The following ZNF138 variants were observed in gnomAD, a reference collection of about 807,000 sequenced individuals.
The protein encoded by ZNF138 is zinc finger protein 138 (clone pHZ-32).
A neutral mutation model predicts 33.0 loss-of-function variants in ZNF138; 33 were observed. The observed-to-expected ratio is 1.00, with a 90% CI of 0.76 to 1.34. The LOEUF is 1.34. ZNF138 is among the 40% of genes most tolerant of loss of function. ZNF138 has a pLI of 0.00. For synonymous variants in ZNF138, 139 were observed against 120.4 expected, an observed-to-expected ratio of 1.15 and a Z score of -1.01; for missense variants, 360 against 370.8, an observed-to-expected ratio of 0.97 and a Z score of 0.24.
chr7:64,812,726 A>G (rs1788276691), intron 1 of ZNF138, among the ~76,000 whole-genome samples: 1 of 152,116 alleles, frequency 6.6e-6, no homozygotes, highest in Non-Finnish European at 1.5e-5. Flanking sequence ...CTGTGGTGGT[A>G]GCAGGTAAAC....
At chr7:64,818,835 G>T (rs1583853703) in intron 3 of ZNF138, among the ~76,000 whole-genome samples, 1 of 151,698 alleles carries the variant, frequency 6.6e-6, no homozygotes, top group Non-Finnish European at 1.5e-5. Flanking sequence ...AAATTTTACT[G>T]CCATACAGTG....
chr7:64,805,446 T>C (rs1787518376), intron 1 of ZNF138, among the ~76,000 whole-genome samples: 2 of 151,396 alleles, frequency 1.3e-5, no homozygotes, highest in African/African-American at 4.9e-5. Context: ...AGTGCTCCTA[T>C]TTCCATTACT....
At chr7:64,810,476 C>T (rs1167196884) in intron 1 of ZNF138, among the ~76,000 whole-genome samples, 21 of 123,614 alleles carry the variant, frequency 1.7e-4, no homozygotes, top group Middle Eastern at 4.4e-3. Flanking sequence ...AGAGGGAGAG[C>T]GTATTTCTGT....
At chr7:64,811,552 G>C (rs913476663) in intron 1 of ZNF138, among the ~76,000 whole-genome samples, 3 of 152,130 alleles carry the variant, frequency 2.0e-5, no homozygotes, top group Non-Finnish European at 2.9e-5. Context: ...CACCATGTTG[G>C]CCAGGTTGGT....
chr7:64,837,600 C>T (rs1044094466), downstream of ZNF138, among the ~76,000 whole-genome samples: 4 of 152,242 alleles, frequency 2.6e-5, no homozygotes, highest in Admixed American at 6.5e-5. Flanking sequence ...CCAAGATTGG[C>T]GCGTCTCGAG....
Position 64,832,005 on chromosome 7 carries a change from C to T in ZNF138, c.763C>T (p.His255Tyr). ...RTGEKPYKCA[H>Y]CGKAFKQSSH... ...TGGAGAAAAACCCTATAAATGTGCA[C>T]ACTGTGGCAAAGCCTTTAAACAGTC... Residue 255 changes from histidine to tyrosine, a missense_variant, in exon 4 of 4, where the codon CAC (histidine) becomes TAC (tyrosine). Coordinates refer to ENST00000307355, the MANE Select transcript of ZNF138 (RefSeq NM_001271639.2). The T allele has an allele frequency of 3.1e-6, 5 of 1,613,560 alleles. No individual in the cohort carries two copies. Among genetic ancestry groups the T allele is most frequent in the Non-Finnish European group, 4.2e-6 (5 of 1,179,778 alleles).
At chr7:64,830,123 A>AT (rs1312715513) in intron 3 of ZNF138, among the ~76,000 whole-genome samples, 2 of 152,208 alleles carry the variant, frequency 1.3e-5, no homozygotes, top group Non-Finnish European at 2.9e-5. Flanking sequence ...TTCATGAAAA[A>AT]TTAACTGGTT....
chr7:64,832,498 A>G lies in ZNF138; in HGVS notation c.*296A>G. On this transcript the variant is annotated 3_prime_UTR_variant, in exon 4 of 4. Transcript: ENST00000307355. ...AAAATTCATACTGGGGAGAAACCCC[A>G]CAAATGTGGAGAATGCGGAAAAGCC... 9.4e-7 allele frequency: 1 copy of G among 1,062,854 alleles called. No individual in the cohort carries two copies. Among genetic ancestry groups the G allele is most frequent in the Non-Finnish European group, 1.3e-6 (1 of 773,160 alleles). 65.8% of individuals were successfully genotyped at this position (1,062,854 alleles called of 1,614,324 possible).
At chr7:64,821,286 T>C (rs931991440) in intron 3 of ZNF138, among the ~76,000 whole-genome samples, 1 of 150,968 alleles carries the variant, frequency 6.6e-6, no homozygotes, top group African/African-American at 2.5e-5. Context: ...AGACGGAGTT[T>C]CACTGTGTTA....
Position 64,794,468 on chromosome 7 carries a change from T to C in ZNF138, c.-101T>C. ...GTGCTGCAGGTCTGGCCTTCACTTT[T>C]CTGCGTCCTCTTACTCCTAGAGGCC... On this transcript the variant is annotated 5_prime_UTR_variant, in exon 1 of 4. Coordinates refer to ENST00000307355, the MANE Select transcript of ZNF138 (RefSeq NM_001271639.2). The C allele has an allele frequency of 6.4e-7, 1 of 1,572,752 alleles. No individual in the cohort carries two copies.
At position 64,823,892 on chromosome 7, in the gene ZNF138, C is replaced by T. The variant is rs567195129; in HGVS notation, c.209-7559C>T. On this transcript the variant is annotated intron_variant, in intron 3 of 3. Coordinates refer to ENST00000307355, the MANE Select transcript of ZNF138 (RefSeq NM_001271639.2). ...AGCAGAGGTTGCAGTGAGCTGAGAT[C>T]GTGCCACTGCACTCCAGCCTGGGTG... is the stretch of plus-strand genomic sequence containing the variant. Among the ~76,000 whole-genome samples the T allele has an allele frequency of 7.9e-5, 12 of 152,198 alleles. No individual in the cohort carries two copies. The South Asian group carries it at 2.3e-3, about 29-fold the overall frequency.
the ZNF138 span, among the ~76,000 whole-genome samples, chr7:64,849,055 T>C: frequency 6.6e-6 from 1 of 152,200 alleles, no homozygotes; most frequent in African/African-American, 2.4e-5. Flanking sequence ...ATTGTTTTTC[T>C]GGTTCCTTCT....
chr7:64,805,003 G>A (rs1787462594), intron 1 of ZNF138, among the ~76,000 whole-genome samples: 1 of 152,126 alleles, frequency 6.6e-6, no homozygotes, highest in African/African-American at 2.4e-5. Flanking sequence ...ATCCCATGGT[G>A]TCTGTGAATG....
chr7:64,834,613 A>C (rs559831613), downstream of ZNF138, among the ~76,000 whole-genome samples: 24 of 152,318 alleles, frequency 1.6e-4, no homozygotes, highest in African/African-American at 4.8e-4. Context: ...AAAGCATGTG[A>C]TCAATTGTTG....
intron 3 of ZNF138, among the ~76,000 whole-genome samples, chr7:64,816,950 G>T (rs1408137661): frequency 6.6e-6 from 1 of 152,182 alleles, no homozygotes; most frequent in East Asian, 1.9e-4. Flanking sequence ...ACGGGCTTGG[G>T]CTGTTGTAAT....
chr7:64,814,118 C>T, intron 1 of ZNF138: 1 of 1,222,046 alleles, frequency 8.2e-7, no homozygotes, highest in East Asian at 6.7e-5. Context: ...ACAAGATATT[C>T]TTCTTGAGCC....
In ZNF138 at chr7:64,794,467, T is replaced by C; in HGVS notation, c.-102T>C. On this transcript the variant is annotated 5_prime_UTR_variant, in exon 1 of 4. Coordinates refer to ENST00000307355, the MANE Select transcript of ZNF138 (RefSeq NM_001271639.2). Reference sequence around the variant, plus strand: ...GGTGCTGCAGGTCTGGCCTTCACTTTTCTGCGTCCTCTTACTCCTAGAGGC... The same window carrying C: ...GGTGCTGCAGGTCTGGCCTTCACTTCTCTGCGTCCTCTTACTCCTAGAGGC... 1 of 1,571,028 alleles carries C rather than the reference T, an allele frequency of 6.4e-7. No homozygotes were observed. The highest frequency in any genetic ancestry group is 8.7e-7 in the Non-Finnish European group (1 of 1,146,168).
rs1295533374 is a variant in ZNF138 at position 64,832,858 on chromosome 7, CTT to C, written c.*659_*660del. On this transcript the variant is annotated 3_prime_UTR_variant, in exon 4 of 4. Coordinates refer to ENST00000307355, the MANE Select transcript of ZNF138 (RefSeq NM_001271639.2). Reference sequence around the variant, plus strand: ...TACAAATGTGAAGAATGTGGCATATCTTTTAACCAGTTCTCACAACTTGCTAT... The same window carrying C: ...TACAAATGTGAAGAATGTGGCATATCTTAACCAGTTCTCACAACTTGCTAT... 3 of 427,770 alleles carry C rather than the reference CTT, an allele frequency of 7.0e-6. No individual in the cohort carries two copies. The highest frequency in any genetic ancestry group is 1.2e-4 in the East Asian group (2 of 16,262). 26.5% of individuals were successfully genotyped at this position (427,770 alleles called of 1,614,324 possible). A position where few individuals can be genotyped will look rare whatever the true frequency, so the allele number is the denominator to read the frequency against.
At chr7:64,834,322 CGTAA>C (rs1291220405), downstream of ZNF138, among the ~76,000 whole-genome samples, 1 of 151,256 alleles carries the variant, frequency 6.6e-6, no homozygotes, top group African/African-American at 2.4e-5. Context: ...AATAAGGCTA[CGTAA>C]GTATCAGAGA....
Sources: allele counts gnomAD v4.1 joint callset (sites outside exome capture counted in the v4.1 genomes callset), GRCh38; gene constraint gnomAD v4.1.1; transcripts MANE v1.5; gene names NCBI Gene and HGNC (gene_info 2026-07-23, HGNC 2026-07-21).